Variants in TRPM3 observed in about 807,000 individuals in gnomAD.
TRPM3 encodes long transient receptor potential channel 3.
Under a neutral mutation model 181.2 loss-of-function variants are expected in TRPM3, and 77 were observed. The ratio of observed to expected loss-of-function variants is 0.42; its 90% CI spans 0.35 to 0.51. The LOEUF is 0.51. Among genes scored for constraint, TRPM3 ranks in the 20% least tolerant of loss-of-function variants. TRPM3 has a pLI of 0.01. For synonymous variants in TRPM3, 745 were observed against 796.4 expected (o/e 0.94, Z 1.09); for missense variants, 1,759 against 2,196.7 (o/e 0.80, Z 3.98).
chr9:71,426,863 G>A (rs575512283), intron 1 of TRPM3, among the ~76,000 whole-genome samples: 4 of 149,878 alleles, frequency 2.7e-5, no homozygotes, highest in Admixed American at 6.6e-5. Flanking sequence ...GGTAATTCTC[G>A]ATTTTTTTCC....
At chr9:71,183,541 A>G (rs1419115437) in intron 1 of TRPM3, among the ~76,000 whole-genome samples, 1 of 151,928 alleles carries the variant, frequency 6.6e-6, no homozygotes, top group Admixed American at 6.6e-5. Flanking sequence ...GCACTGCATA[A>G]TATTTATTAT....
intron 9 of TRPM3, among the ~76,000 whole-genome samples, chr9:70,659,412 A>G (rs2060807220): frequency 1.3e-5 from 2 of 152,138 alleles, no homozygotes; most frequent in African/African-American, 4.8e-5. Context: ...TTGATGGTAC[A>G]AATCCATGGC....
At chr9:71,129,111 A>G (rs1281442780) in intron 1 of TRPM3, among the ~76,000 whole-genome samples, 2 of 152,180 alleles carry the variant, frequency 1.3e-5, no homozygotes, top group African/African-American at 2.4e-5. Flanking sequence ...CTTGCTATCT[A>G]TTTTTGACAG....
intron 8 of TRPM3, among the ~76,000 whole-genome samples, chr9:70,756,169 A>C (rs1234109805): frequency 6.6e-6 from 1 of 152,100 alleles, no homozygotes; most frequent in Non-Finnish European, 1.5e-5. Context: ...AAACAAAAAA[A>C]ACAAAAAAGC....
chr9:71,009,059 A>G (rs1259144972), intron 1 of TRPM3, among the ~76,000 whole-genome samples: 2 of 152,256 alleles, frequency 1.3e-5, no homozygotes, highest in African/African-American at 4.8e-5. Context: ...CAAACTGAGT[A>G]TAGAAGGAAC....
chr9:71,430,655 T>C (rs2093940305), intron 1 of TRPM3, among the ~76,000 whole-genome samples: 1 of 151,696 alleles, frequency 6.6e-6, no homozygotes, highest in Non-Finnish European at 1.5e-5. Context: ...CTATTAAAAA[T>C]ACAAAAATTA....
intron 1 of TRPM3, among the ~76,000 whole-genome samples, chr9:70,930,421 T>A (rs1056481757): frequency 4.6e-5 from 7 of 152,208 alleles, no homozygotes; most frequent in Admixed American, 4.6e-4. Context: ...GTTTTATACT[T>A]CCTTTCATCA....
intron 1 of TRPM3, among the ~76,000 whole-genome samples, chr9:71,232,458 T>C (rs972329467): frequency 6.7e-6 from 1 of 149,730 alleles, no homozygotes. Flanking sequence ...CCCTGATGCA[T>C]ACTCTAACGC....
chr9:71,312,481 G>A (rs1435324141), intron 1 of TRPM3, among the ~76,000 whole-genome samples: 1 of 152,104 alleles, frequency 6.6e-6, no homozygotes, highest in Non-Finnish European at 1.5e-5. Context: ...CACTTTAGAG[G>A]ACAGTTTGGC....
chr9:70,928,708 G>A (rs1169202271), intron 1 of TRPM3, among the ~76,000 whole-genome samples: 2 of 152,178 alleles, frequency 1.3e-5, no homozygotes, highest in Non-Finnish European at 2.9e-5. Flanking sequence ...GAAATCAGGA[G>A]GCCCTGAGGA....
chr9:71,051,534 T>G (rs2060058050), intron 1 of TRPM3, among the ~76,000 whole-genome samples: 1 of 152,080 alleles, frequency 6.6e-6, no homozygotes, highest in Non-Finnish European at 1.5e-5. Context: ...GCATGCCACT[T>G]CACTCATGTT....
At chr9:71,041,459 G>A (rs192091895) in intron 1 of TRPM3, among the ~76,000 whole-genome samples, 25 of 152,232 alleles carry the variant, frequency 1.6e-4, no homozygotes, top group Admixed American at 1.6e-3. Context: ...CAGCTTGGTG[G>A]AGAGGTACAA....
intron 1 of TRPM3, among the ~76,000 whole-genome samples, chr9:71,235,736 A>G (rs1261729710): frequency 6.6e-6 from 1 of 152,206 alleles, no homozygotes; most frequent in Non-Finnish European, 1.5e-5. Flanking sequence ...TACATCTGCA[A>G]TACTGCAAAG....
At position 71,351,873 on chromosome 9, in the gene TRPM3, TTTG is replaced by T. The variant is rs1212093992; in HGVS notation, c.183+94777_183+94779del. On this transcript the variant is annotated intron_variant, in intron 1 of 24. Transcript: ENST00000357533. ...GGAAGTTTTTGTTTGTTTGTTTGTT[TTTG>T]TTTTTTTTTTTTTTTTTGAGACTGA... is the stretch of plus-strand genomic sequence containing the variant. 9.9e-4 allele frequency among the ~76,000 whole-genome samples: 92 copies of T among 92,488 alleles called. 2 individuals are homozygous for T. Among genetic ancestry groups the T allele is most frequent in the African/African-American group, 2.1e-3 (50 of 24,110 alleles). 60.7% of individuals were successfully genotyped at this position (92,488 alleles called of 152,430 possible).
intron 5 of TRPM3, among the ~76,000 whole-genome samples, chr9:70,833,569 G>T (rs1313216751): frequency 6.6e-6 from 1 of 152,156 alleles, no homozygotes; most frequent in African/African-American, 2.4e-5. Flanking sequence ...GGGGCTCAAA[G>T]AGGTGAGGTA....
rs114561220 is a variant in TRPM3, at chr9:71,400,381, C to T, written c.183+46272G>A. The stretch of plus-strand genomic sequence containing the variant: ...ATAATTGAGATATTTTGGTATTATA[C>T]TCAAAGTTTACTTTGACATTCACTG... On this transcript the variant is annotated intron_variant, in intron 1 of 24. Coordinates refer to the TRPM3 transcript ENST00000357533. 4.2e-3 allele frequency among the ~76,000 whole-genome samples: 633 copies of T among 152,192 alleles called. 7 individuals carry two copies. The highest frequency in any genetic ancestry group is 0.015 in the African/African-American group (608 of 41,536).
chr9:71,097,356 T>C (rs924264588), intron 1 of TRPM3, among the ~76,000 whole-genome samples: 1 of 152,096 alleles, frequency 6.6e-6, no homozygotes, highest in African/African-American at 2.4e-5. Context: ...TATATACACA[T>C]GTACATACAC....
At chr9:71,176,710 C>T (rs1307994246) in intron 1 of TRPM3, among the ~76,000 whole-genome samples, 5 of 152,174 alleles carry the variant, frequency 3.3e-5, no homozygotes, top group African/African-American at 4.8e-5. Flanking sequence ...TCCAGTCCTG[C>T]GAGCTCCATT....
intron 20 of TRPM3, among the ~76,000 whole-genome samples, chr9:70,600,775 T>C (rs1161480330): frequency 5.9e-5 from 9 of 152,242 alleles, no homozygotes; most frequent in Non-Finnish European, 1.2e-4. Context: ...AATCCGTGTA[T>C]GTAGCTGGGA....
Sources: allele counts gnomAD v4.1 joint callset (sites outside exome capture counted in the v4.1 genomes callset), GRCh38; gene constraint gnomAD v4.1.1; transcripts MANE v1.5; gene names NCBI Gene and HGNC (gene_info 2026-07-23, HGNC 2026-07-21).